Variants in CSAD observed in about 807,000 individuals in gnomAD.
CSAD encodes P-selectin cytoplasmic tail-associated protein.
A neutral mutation model predicts 61.5 loss-of-function variants in CSAD; 47 were observed. The observed-to-expected ratio is 0.76, with a 90% CI of 0.60 to 0.97. The LOEUF is 0.97. Among genes scored for constraint, CSAD ranks in the 50% least tolerant of loss-of-function variants. CSAD has a pLI of 0.00. For missense variants in CSAD, 611 were observed against 643.6 expected (o/e 0.95, Z 0.55); for synonymous variants, 245 against 252.7 (o/e 0.97, Z 0.29).
Position 53,175,250 on chromosome 12 carries a change from T to C in CSAD, c.-49-1480A>G, listed in dbSNP as rs148181389. Among the ~76,000 whole-genome samples, 382 of 152,206 alleles carry C rather than the reference T, an allele frequency of 2.5e-3. 7 individuals are homozygous for C. Among genetic ancestry groups the C allele is most frequent in the Non-Finnish European group, 7.2e-4 (49 of 68,014 alleles). Reference sequence around the variant, plus strand: ...AACACTAAGGCTCTCCTTAAGGCAATAGAGAGCTGGTGCAGGAAAAGACTC... The same window carrying C: ...AACACTAAGGCTCTCCTTAAGGCAACAGAGAGCTGGTGCAGGAAAAGACTC... On this transcript the variant is annotated intron_variant, in intron 2 of 16. Coordinates refer to ENST00000444623, the MANE Select transcript of CSAD (RefSeq NM_001244705.2).
chr12:53,167,064 C>G (rs542697455), intron 10 of CSAD, among the ~76,000 whole-genome samples: 2 of 152,290 alleles, frequency 1.3e-5, no homozygotes, highest in East Asian at 3.9e-4. Context: ...CTCTTTCCCT[C>G]TCAATAAACA....
chr12:53,180,761 T>G lies in CSAD; in HGVS notation c.-120A>C, dbSNP rs2121526763. 7.9e-7 allele frequency: 1 copy of G among 1,265,448 alleles called. No individual in the cohort carries two copies. The highest frequency in any genetic ancestry group is 2.4e-4 in the Middle Eastern group (1 of 4,244). 78.4% of individuals were successfully genotyped at this position (1,265,448 alleles called of 1,614,324 possible). A position where few individuals can be genotyped will look rare whatever the true frequency, so the allele number is the denominator to read the frequency against. On this transcript the variant is annotated 5_prime_UTR_variant, in exon 1 of 17. Coordinates refer to ENST00000444623, the MANE Select transcript of CSAD (RefSeq NM_001244705.2). Reference sequence around the variant, plus strand: ...GTCCCGGTGGGGGCAGCCGCGGCGGTGGGGTTGGCAGGGTGTGCTGGGGCC... The same window carrying G: ...GTCCCGGTGGGGGCAGCCGCGGCGGGGGGGTTGGCAGGGTGTGCTGGGGCC...
At chr12:53,165,165 T>C (rs2121450400) in intron 10 of CSAD, among the ~76,000 whole-genome samples, 1 of 152,020 alleles carries the variant, frequency 6.6e-6, no homozygotes, top group Middle Eastern at 3.4e-3. Flanking sequence ...GGTAGAGATG[T>C]GTCTCTACCA....
At chr12:53,170,267 G>A (rs971889887) in intron 9 of CSAD, 141 bp from the exon 10 acceptor site, 5 of 977,974 alleles carry the variant, frequency 5.1e-6, no homozygotes, top group African/African-American at 4.8e-5. Context: ...GGTGGGAGAC[G>A]CTGGCAGGCT....
At chr12:53,176,415 A>T (rs1160442966) in intron 2 of CSAD, among the ~76,000 whole-genome samples, 4 of 151,646 alleles carry the variant, frequency 2.6e-5, no homozygotes, top group Non-Finnish European at 5.9e-5. Flanking sequence ...CATCTCAAAA[A>T]AAAAAACAAG....
chr12:53,168,964 G>C lies in CSAD; in HGVS notation c.702+1108C>G, dbSNP rs889218356. Among the ~76,000 whole-genome samples, 3 of 152,214 alleles carry C rather than the reference G, an allele frequency of 2.0e-5. No homozygotes were observed. The South Asian group carries it at 6.2e-4, about 32-fold the overall frequency. ...GGAGGCCGAAGCAGGTGGATTGTTT[G>C]AGGTCAGGAGTTCAAGACCAGCCTG... On this transcript the variant is annotated intron_variant, in intron 10 of 16. Coordinates refer to ENST00000444623, the MANE Select transcript of CSAD (RefSeq NM_001244705.2).
At chr12:53,159,467 T>A (rs1938981452) in intron 16 of CSAD, 156 bp downstream of exon 16, 2 of 637,276 alleles carry the variant, frequency 3.1e-6, no homozygotes, top group Non-Finnish European at 5.5e-6. Context: ...CATACCTTCC[T>A]CCCCATCCCC....
intron 4 of CSAD, 88 bp downstream of exon 4, chr12:53,173,257 G>T (rs547851936): frequency 3.0e-5 from 35 of 1,182,322 alleles, no homozygotes; most frequent in South Asian, 2.6e-4. Context: ...GGAAGGAAGG[G>T]GGGGGGAGAA....
chr12:53,165,464 T>A (rs1167085404), intron 10 of CSAD, among the ~76,000 whole-genome samples: 2 of 150,990 alleles, frequency 1.3e-5, no homozygotes, highest in African/African-American at 4.9e-5. Context: ...ATCGAGACCA[T>A]CCTGGCTAAC....
At position 53,170,171 on chromosome 12, in the gene CSAD, T is replaced by C. The variant is rs1195343564; in HGVS notation, c.648-45A>G. ...GGGTAGAGCAGGGACAGGTTCTCTG[T>C]TGAAGGCAGGGTAAGGTGGGGTTAG... is the stretch of plus-strand genomic sequence containing the variant. On this transcript the variant is annotated intron_variant, in intron 9 of 16. Coordinates refer to ENST00000444623, the MANE Select transcript of CSAD (RefSeq NM_001244705.2). 15 of 1,574,812 alleles carry C rather than the reference T, an allele frequency of 9.5e-6. No individual in the cohort carries two copies. The Admixed American group carries it at 1.2e-4, about 12-fold the overall frequency.
At chr12:53,179,349 T>C (rs967666447) in intron 1 of CSAD, among the ~76,000 whole-genome samples, 1 of 152,198 alleles carries the variant, frequency 6.6e-6, no homozygotes, top group Non-Finnish European at 1.5e-5. Flanking sequence ...TAAATACTGG[T>C]TGAAAAGATT....
intron 6 of CSAD, 101 bp downstream of exon 6, chr12:53,172,245 G>A: frequency 9.1e-7 from 1 of 1,104,444 alleles, no homozygotes; most frequent in South Asian, 1.2e-5. Flanking sequence ...CCCAGAAGCA[G>A]TAGAGAGAGG....
At chr12:53,180,705 G>A (rs1265271603) in intron 1 of CSAD, 27 bp downstream of exon 1, 1 of 1,271,140 alleles carries the variant, frequency 7.9e-7, no homozygotes, top group Admixed American at 2.4e-5. Context: ...CGGGGAAACG[G>A]GCCGGGGTTG....
intron 13 of CSAD, 141 bp from the exon 14 acceptor site, chr12:53,160,460 G>T: frequency 1.2e-6 from 1 of 857,036 alleles, no homozygotes; most frequent in Non-Finnish European, 1.8e-6. Flanking sequence ...CTGCCTGCTG[G>T]CTCCAACACC....
chr12:53,161,276 C>T lies in CSAD; in HGVS notation c.816G>A (p.Val272=). Residue 272 remains valine (V), a synonymous_variant, in exon 11 of 17, where the codon GTG becomes GTA. Transcript: ENST00000444623. ...CCCAAGCCGAAGTCCCACTCACATC[C>T]ACATGCAGCCATAGCCCATGACGCT... The part of the protein sequence containing the change: ...VCQRHGLWLH[V]DAAWGGSVLL... 6.2e-7 allele frequency: 1 copy of T among 1,614,074 alleles called. No individual in the cohort carries two copies. The highest frequency in any genetic ancestry group is 8.5e-7 in the Non-Finnish European group (1 of 1,179,958).
At chr12:53,160,866 C>T (rs1939200043) in intron 12 of CSAD, 22 bp from the exon 13 acceptor site, 2 of 1,547,366 alleles carry the variant, frequency 1.3e-6, no homozygotes. Context: ...GGAGCAAAGG[C>T]AGGTCAGTGG....
intron 2 of CSAD, among the ~76,000 whole-genome samples, 186 bp downstream of exon 2, chr12:53,178,916 G>A (rs533113824): frequency 5.9e-5 from 9 of 152,078 alleles, no homozygotes; most frequent in African/African-American, 1.9e-4. Context: ...GGAAAGGCAC[G>A]ACTCTCGCCT....
chr12:53,159,458 A>G, intron 16 of CSAD, 165 bp downstream of exon 16: 1 of 625,992 alleles, frequency 1.6e-6, no homozygotes. Context: ...TCCCAGAAAC[A>G]TACCTTCCTC....
intron 8 of CSAD, 29 bp from the exon 9 acceptor site, chr12:53,170,531 C>T: frequency 6.4e-7 from 1 of 1,570,318 alleles, no homozygotes; most frequent in Non-Finnish European, 8.8e-7. Context: ...GGCAAGTTAG[C>T]ACAACTTGAT....
Sources: allele counts gnomAD v4.1 joint callset (sites outside exome capture counted in the v4.1 genomes callset), GRCh38; gene constraint gnomAD v4.1.1; transcripts MANE v1.5; gene names NCBI Gene and HGNC (gene_info 2026-07-23, HGNC 2026-07-21).